The following CNTNAP2 variants were observed in gnomAD, a reference collection of about 807,000 sequenced individuals.
CNTNAP2 encodes the protein contactin associated protein 2, also known as contactin-associated protein-like 2.
Under a neutral mutation model 155.2 loss-of-function variants are expected in CNTNAP2, and 98 were observed. That is an observed-to-expected ratio of 0.63 (90% CI 0.54 to 0.75). The LOEUF is 0.75. CNTNAP2 is among the 30% of genes least tolerant of loss of function. CNTNAP2 has a pLI of 0.00. For missense variants in CNTNAP2, 1,727 were observed against 1,688.1 expected, an observed-to-expected ratio of 1.02 and a Z score of -0.40; for synonymous variants, 651 against 631.2, an observed-to-expected ratio of 1.03 and a Z score of -0.47.
chr7:148,049,046 T>C (rs1385315273), intron 15 of CNTNAP2, among the ~76,000 whole-genome samples: 5 of 151,994 alleles, frequency 3.3e-5, no homozygotes, highest in Admixed American at 3.3e-4. Context: ...ACCCCATCTC[T>C]ACTAAAAATA....
chr7:147,563,516 CT>C (rs1392039418), intron 12 of CNTNAP2, among the ~76,000 whole-genome samples: 1 of 152,002 alleles, frequency 6.6e-6, no homozygotes, highest in Admixed American at 6.6e-5. Flanking sequence ...GTAGTCCCAG[CT>C]ACTCAGGAGG....
chr7:146,980,971 G>C (rs76987431), intron 3 of CNTNAP2, among the ~76,000 whole-genome samples: 5 of 152,102 alleles, frequency 3.3e-5, no homozygotes, highest in African/African-American at 1.2e-4. Flanking sequence ...CCTTAGCCTA[G>C]AAATTATACA....
chr7:148,197,923 A>C (rs541479784), intron 18 of CNTNAP2, among the ~76,000 whole-genome samples: 12 of 152,232 alleles, frequency 7.9e-5, no homozygotes, highest in Non-Finnish European at 1.3e-4. Context: ...TTAGTTCTTC[A>C]AGTTCCATTT....
chr7:146,289,780 T>C (rs1171278503), intron 1 of CNTNAP2, among the ~76,000 whole-genome samples: 2 of 152,212 alleles, frequency 1.3e-5, no homozygotes, highest in East Asian at 3.9e-4. Flanking sequence ...TCTCATTTTA[T>C]ATTCCAGAGC....
At chr7:146,946,506 C>A (rs1797177345) in intron 3 of CNTNAP2, among the ~76,000 whole-genome samples, 1 of 151,986 alleles carries the variant, frequency 6.6e-6, no homozygotes. Flanking sequence ...GCTTTAATAA[C>A]ATTTTTTAGG....
chr7:146,703,112 A>G (rs1291484405), intron 1 of CNTNAP2, among the ~76,000 whole-genome samples: 2 of 152,302 alleles, frequency 1.3e-5, no homozygotes, highest in Admixed American at 6.5e-5. Flanking sequence ...CAGCAGATGT[A>G]TCTATGCTTG....
At chr7:147,173,843 C>T (rs1172009601) in intron 8 of CNTNAP2, among the ~76,000 whole-genome samples, 2 of 152,166 alleles carry the variant, frequency 1.3e-5, no homozygotes, top group Admixed American at 6.5e-5. Context: ...ACTGCAGCGG[C>T]ACCTGAGGTG....
intron 13 of CNTNAP2, among the ~76,000 whole-genome samples, chr7:147,879,045 C>A (rs777611587): frequency 6.6e-6 from 1 of 152,176 alleles, no homozygotes; most frequent in Non-Finnish European, 1.5e-5. Flanking sequence ...ACCTCTCTTT[C>A]GGCCTCAGTG....
intron 13 of CNTNAP2, among the ~76,000 whole-genome samples, chr7:147,688,364 A>C (rs527410118): frequency 1.3e-5 from 2 of 152,226 alleles, no homozygotes; most frequent in South Asian, 4.2e-4. Context: ...AAAACTCTGA[A>C]ATGCGTGAAA....
intron 8 of CNTNAP2, among the ~76,000 whole-genome samples, chr7:147,220,738 G>A (rs1803378518): frequency 6.6e-6 from 1 of 151,510 alleles, no homozygotes; most frequent in Admixed American, 6.6e-5. Flanking sequence ...TTTTTGAGAT[G>A]GAGTCTCACT....
At chr7:148,348,745 G>A (rs1172427571) in intron 21 of CNTNAP2, among the ~76,000 whole-genome samples, 1 of 152,196 alleles carries the variant, frequency 6.6e-6, no homozygotes, top group African/African-American at 2.4e-5. Flanking sequence ...GATAATAGAT[G>A]CTTACAAGAC....
Position 147,929,007 on chromosome 7 carries a change from G to A in CNTNAP2, c.2255+25286G>A, listed in dbSNP as rs562411277. Among the ~76,000 whole-genome samples the A allele has an allele frequency of 1.4e-4, 20 of 139,582 alleles. No individual in the cohort carries two copies. In the South Asian group the frequency reaches 2.7e-3, roughly 19 times the overall value. The allele number at this position is 139,582 out of a possible 152,430, so 91.6% of individuals were successfully genotyped here. Reference sequence around the variant, plus strand: ...CTCAGGAGGCTGAGGCAGGAGAATCGCTTGAACCCAGGAGGCAGAGGTTGC... The same window carrying A: ...CTCAGGAGGCTGAGGCAGGAGAATCACTTGAACCCAGGAGGCAGAGGTTGC... On this transcript the variant is annotated intron_variant, in intron 14 of 23. Coordinates refer to ENST00000361727, the MANE Select transcript of CNTNAP2 (RefSeq NM_014141.6).
At chr7:147,398,664 C>A (rs538862404) in intron 10 of CNTNAP2, among the ~76,000 whole-genome samples, 1 of 123,950 alleles carries the variant, frequency 8.1e-6, no homozygotes, top group African/African-American at 3.2e-5. Flanking sequence ...ATTTTCTGAA[C>A]GCAGCTTTGA....
At chr7:146,261,402 G>C (rs1799917185) in intron 1 of CNTNAP2, among the ~76,000 whole-genome samples, 1 of 151,252 alleles carries the variant, frequency 6.6e-6, no homozygotes, top group Non-Finnish European at 1.5e-5. Flanking sequence ...TCTCATTTAA[G>C]TCATCTCTCA....
chr7:146,450,856 A>T (rs1796468524), intron 1 of CNTNAP2, among the ~76,000 whole-genome samples: 1 of 152,218 alleles, frequency 6.6e-6, no homozygotes, highest in African/African-American at 2.4e-5. Flanking sequence ...GGTCTTTTAA[A>T]ATAACACATC....
intron 2 of CNTNAP2, among the ~76,000 whole-genome samples, chr7:146,798,278 CAA>C (rs1172046655): frequency 1.0e-4 from 13 of 124,270 alleles, no homozygotes; most frequent in African/African-American, 8.7e-5. Context: ...ACCCTGTCTC[CAA>C]AAAAAAAAAA....
intron 3 of CNTNAP2, among the ~76,000 whole-genome samples, chr7:146,847,999 C>A (rs567338013): frequency 2.4e-4 from 36 of 152,186 alleles, no homozygotes; most frequent in African/African-American, 8.2e-4. Context: ...CTTAGGCCAA[C>A]TGAAAAGGGT....
At chr7:148,112,868 T>TTTA (rs398006722) in intron 15 of CNTNAP2, among the ~76,000 whole-genome samples, 6 of 149,858 alleles carry the variant, frequency 4.0e-5, no homozygotes, top group South Asian at 2.1e-4. Flanking sequence ...TTTTTTTTTT[T>TTTA]AAAAAAAAAT....
intron 13 of CNTNAP2, among the ~76,000 whole-genome samples, chr7:147,872,837 CAA>C (rs1799351013): frequency 6.6e-6 from 1 of 151,750 alleles, no homozygotes; most frequent in Non-Finnish European, 1.5e-5. Flanking sequence ...AAATGCCAAA[CAA>C]GAGGAAAAAA....
Sources: gnomAD v4.1 joint callset for allele counts (sites outside exome capture counted in the v4.1 genomes callset) on GRCh38, gnomAD v4.1.1 for gene constraint, MANE v1.5 for transcripts, NCBI Gene and HGNC (gene_info 2026-07-23, HGNC 2026-07-21) for gene names.